Variants in RELN observed in about 807,000 individuals in gnomAD.
The protein encoded by RELN is reelin.
RELN carries 108 observed loss-of-function variants against 427.6 expected under a neutral mutation model. The ratio of observed to expected loss-of-function variants is 0.25; its 90% confidence interval spans 0.22 to 0.30. RELN has a LOEUF of 0.30. Ranked by LOEUF, RELN falls within the 10% of genes least tolerant of loss-of-function variation. RELN has a pLI of 1.00. For synonymous variants in RELN, 1,524 were observed against 1,513.4 expected, an observed-to-expected ratio of 1.01 and a Z score of -0.16; for missense variants, 3,715 against 4,302.8, an observed-to-expected ratio of 0.86 and a Z score of 3.82.
intron 1 of RELN, among the ~76,000 whole-genome samples, chr7:103,931,446 G>C (rs968075551): frequency 1.3e-5 from 2 of 152,118 alleles, no homozygotes; most frequent in African/African-American, 2.4e-5. Flanking sequence ...CAAAATAGTT[G>C]TGTACACATC....
At chr7:103,578,544 C>T (rs547672486) in intron 28 of RELN, among the ~76,000 whole-genome samples, 3 of 152,116 alleles carry the variant, frequency 2.0e-5, no homozygotes, top group Non-Finnish European at 2.9e-5. Context: ...GACCTCAGCA[C>T]GTTTTGCTTC....
intron 2 of RELN, among the ~76,000 whole-genome samples, chr7:103,858,768 T>C (rs1794004950): frequency 6.6e-6 from 1 of 152,148 alleles, no homozygotes; most frequent in Non-Finnish European, 1.5e-5. Context: ...GTAGCGGTGC[T>C]CTAACAGCTT....
chr7:103,636,525 G>C, intron 17 of RELN, 57 bp from the exon 18 acceptor site: 2 of 1,154,314 alleles, frequency 1.7e-6, no homozygotes, highest in South Asian at 2.6e-5. Context: ...GGAGATTCTC[G>C]AATCTACTTT....
At position 103,895,296 on chromosome 7, in the gene RELN, G is replaced by A. The variant is rs578220301; in HGVS notation, c.337+21779C>T. ...ACATGGCGGTTGTTGACTTGTAACA[G>A]GAAAAAAAAAAGTGGTAGTTCAAAG... On this transcript the variant is annotated intron_variant, in intron 2 of 64. Transcript: ENST00000428762. Among the ~76,000 whole-genome samples the A allele has an allele frequency of 2.5e-4, 38 of 151,182 alleles. 1 individual carries two copies. In the South Asian group the frequency reaches 7.9e-3, roughly 32 times the overall value.
At chr7:103,607,657 C>T (rs1189694916) in intron 22 of RELN, among the ~76,000 whole-genome samples, 1 of 152,160 alleles carries the variant, frequency 6.6e-6, no homozygotes, top group African/African-American at 2.4e-5. Flanking sequence ...TTTTCCTTCC[C>T]ATATAACTTG....
At chr7:103,846,444 T>G (rs896842306) in intron 2 of RELN, among the ~76,000 whole-genome samples, 18 of 152,190 alleles carry the variant, frequency 1.2e-4, no homozygotes, top group Admixed American at 1.2e-3. Flanking sequence ...GATTAAAAAC[T>G]TAAATGTAAG....
intron 2 of RELN, among the ~76,000 whole-genome samples, chr7:103,871,114 G>C (rs537391896): frequency 6.6e-6 from 1 of 152,172 alleles, no homozygotes; most frequent in South Asian, 2.1e-4. Flanking sequence ...GATTGATTAT[G>C]GTGGGTTATC....
chr7:103,931,397 T>A (rs778495292), intron 1 of RELN, among the ~76,000 whole-genome samples: 2 of 152,162 alleles, frequency 1.3e-5, no homozygotes, highest in Non-Finnish European at 2.9e-5. Flanking sequence ...GAGTCTTCAT[T>A]CTTCCTCTCA....
intron 8 of RELN, among the ~76,000 whole-genome samples, chr7:103,706,938 G>A (rs1834215018): frequency 6.6e-6 from 1 of 151,954 alleles, no homozygotes; most frequent in African/African-American, 2.4e-5. Context: ...TCCTTTCTCT[G>A]CCCTCATAGC....
At position 103,497,927 on chromosome 7, in the gene RELN, C is replaced by T; in HGVS notation, c.8844-1G>A. On this transcript the variant is annotated splice_acceptor_variant, in intron 54 of 64. Transcript: ENST00000428762. LOFTEE classifies it high-confidence loss of function. Reference sequence around the variant, plus strand: ...GATGCGCCCCCAGTATTGCAGGAACCTGAATGCAAGCACATTTTATCCATC... The same window carrying T: ...GATGCGCCCCCAGTATTGCAGGAACTTGAATGCAAGCACATTTTATCCATC... 3.1e-6 allele frequency: 5 copies of T among 1,613,718 alleles called. No individual in the cohort carries two copies. The highest frequency in any genetic ancestry group is 4.2e-6 in the Non-Finnish European group (5 of 1,179,696).
At chr7:103,862,383 A>G (rs796585388) in intron 2 of RELN, among the ~76,000 whole-genome samples, 2 of 150,466 alleles carry the variant, frequency 1.3e-5, no homozygotes, top group South Asian at 4.4e-4. Context: ...CTATTATAGA[A>G]CTAGTCTCTT....
At chr7:103,760,965 C>T (rs535760351) in intron 4 of RELN, among the ~76,000 whole-genome samples, 1 of 151,694 alleles carries the variant, frequency 6.6e-6, no homozygotes, top group East Asian at 1.9e-4. Context: ...ATTAAGCTTC[C>T]AAAAATGTTA....
At chr7:103,680,705 G>A (rs1056277394) in intron 11 of RELN, among the ~76,000 whole-genome samples, 2 of 150,694 alleles carry the variant, frequency 1.3e-5, no homozygotes, top group South Asian at 2.1e-4. Flanking sequence ...TCCCTCTAGG[G>A]TCTCCCCAGC....
intron 10 of RELN, among the ~76,000 whole-genome samples, chr7:103,687,932 T>C (rs1833796459): frequency 6.6e-6 from 1 of 152,258 alleles, no homozygotes; most frequent in East Asian, 1.9e-4. Flanking sequence ...CCACATTAAT[T>C]ACTGTACAAA....
intron 1 of RELN, among the ~76,000 whole-genome samples, chr7:103,971,152 C>CAA (rs559162833): frequency 1.7e-4 from 14 of 81,226 alleles, no homozygotes; most frequent in South Asian, 1.3e-3. Context: ...GACTCTATCT[C>CAA]AAAAAAAAAA....
Position 103,575,530 on chromosome 7 carries a change from A to G in RELN, c.4303+18T>C, listed in dbSNP as rs1478321168. 3 of 1,612,590 alleles carry G rather than the reference A, an allele frequency of 1.9e-6. No individual in the cohort carries two copies. Among genetic ancestry groups the G allele is most frequent in the Non-Finnish European group, 2.5e-6 (3 of 1,178,566 alleles). On this transcript the variant is annotated intron_variant, in intron 29 of 64. Transcript: ENST00000428762. ...CTATTTTACAATAAAACCCTCAGAC[A>G]CATGTATTTAGCCTTACCAGTATAT...
At chr7:103,501,682 G>C (rs1214168210) in intron 52 of RELN, among the ~76,000 whole-genome samples, 1 of 152,176 alleles carries the variant, frequency 6.6e-6, no homozygotes, top group African/African-American at 2.4e-5. Flanking sequence ...GAACAATTAA[G>C]ATGTATGTAT....
At chr7:103,669,639 C>T (rs1219230359) in intron 11 of RELN, among the ~76,000 whole-genome samples, 2 of 151,066 alleles carry the variant, frequency 1.3e-5, no homozygotes, top group Non-Finnish European at 2.9e-5. Context: ...ATCTTTGAGA[C>T]CAGTAGTGGT....
intron 6 of RELN, among the ~76,000 whole-genome samples, chr7:103,735,109 T>C (rs1790458898): frequency 6.6e-6 from 1 of 152,136 alleles, no homozygotes. Context: ...ATATAAAGAC[T>C]GGTACTTGCT....
Sources: gnomAD v4.1 joint callset for allele counts (sites outside exome capture counted in the v4.1 genomes callset) on GRCh38, gnomAD v4.1.1 for gene constraint, MANE v1.5 for transcripts, NCBI Gene and HGNC (gene_info 2026-07-23, HGNC 2026-07-21) for gene names.